The following NPAS3 variants were observed in gnomAD, a reference collection of about 807,000 sequenced individuals.
The protein encoded by NPAS3 is neuronal PAS domain protein 3, also known as neuronal PAS domain-containing protein 3.
A neutral mutation model predicts 73.1 loss-of-function variants in NPAS3; 14 were observed. That is an observed-to-expected ratio of 0.19 (90% CI 0.13 to 0.30). The LOEUF is 0.30. NPAS3 is among the 10% of genes least tolerant of loss of function. NPAS3 has a pLI of 1.00. For missense variants in NPAS3, 1,096 were observed against 1,250.0 expected (o/e 0.88, Z 1.86); for synonymous variants, 620 against 541.5 (o/e 1.14, Z -2.01).
At chr14:33,777,182 T>C (rs930849213) in intron 8 of NPAS3, among the ~76,000 whole-genome samples, 2 of 152,166 alleles carry the variant, frequency 1.3e-5, no homozygotes, top group Non-Finnish European at 2.9e-5. Context: ...TTTAATGACA[T>C]CCTTGTTCCC....
At chr14:33,315,193 C>T (rs1417770715) in intron 3 of NPAS3, among the ~76,000 whole-genome samples, 1 of 151,888 alleles carries the variant, frequency 6.6e-6, no homozygotes, top group Non-Finnish European at 1.5e-5. Flanking sequence ...GGTGGGTTGT[C>T]TCAGGGAGCC....
In NPAS3 at chr14:33,750,161, C is replaced by T. The variant is rs149354806; in HGVS notation, c.852+14829C>T. ...CCATTCAAAGTACCAAACAGTGAGG[C>T]GTTGTCAAGAAGGGATATGTTGGAT... On this transcript the variant is annotated intron_variant, in intron 7 of 11. Transcript: ENST00000356141. 9.3e-5 allele frequency among the ~76,000 whole-genome samples: 14 copies of T among 151,192 alleles called. No individual in the cohort carries two copies. The East Asian group carries it at 2.5e-3, about 27-fold the overall frequency.
intron 5 of NPAS3, among the ~76,000 whole-genome samples, chr14:33,563,707 T>C (rs1167476233): frequency 6.6e-6 from 1 of 152,190 alleles, no homozygotes; most frequent in Non-Finnish European, 1.5e-5. Context: ...GATTCCCACA[T>C]ACTGATGCTG....
intron 5 of NPAS3, among the ~76,000 whole-genome samples, chr14:33,605,358 A>G (rs1307666422): frequency 6.6e-6 from 1 of 151,342 alleles, no homozygotes; most frequent in Non-Finnish European, 1.5e-5. Flanking sequence ...AGCCAGTGCA[A>G]TAAAGCAAGG....
chr14:33,269,510 T>A (rs1500720), intron 3 of NPAS3, among the ~76,000 whole-genome samples: 2 of 151,974 alleles, frequency 1.3e-5, no homozygotes, highest in African/African-American at 4.8e-5. Flanking sequence ...GATAAGGAAA[T>A]GTGCAAATAA....
chr14:33,073,469 A>G (rs76968852), intron 2 of NPAS3, among the ~76,000 whole-genome samples: 9,046 of 152,214 alleles, frequency 0.059, 377 homozygotes, highest in Admixed American at 0.091. Flanking sequence ...TTTTTATACA[A>G]GATGGGACAG....
chr14:33,801,115 CG>C, downstream of NPAS3: 1 of 1,572,122 alleles, frequency 6.4e-7, no homozygotes, highest in Non-Finnish European at 8.6e-7. Context: ...ACTGAGGCGC[CG>C]CCCGTCCTGG....
intron 5 of NPAS3, among the ~76,000 whole-genome samples, chr14:33,582,687 GA>G (rs2056712274): frequency 6.6e-6 from 1 of 152,030 alleles, no homozygotes; most frequent in Non-Finnish European, 1.5e-5. Flanking sequence ...ATCCTACTCA[GA>G]AAGAAATGCA....
intron 3 of NPAS3, among the ~76,000 whole-genome samples, chr14:33,350,462 C>T (rs1174330881): frequency 6.6e-6 from 1 of 152,100 alleles, no homozygotes; most frequent in Non-Finnish European, 1.5e-5. Flanking sequence ...TACAGACTGC[C>T]CCCCTACCTG....
intron 10 of NPAS3, among the ~76,000 whole-genome samples, 184 bp downstream of exon 10, chr14:33,794,228 T>C (rs1403461089): frequency 6.6e-6 from 1 of 152,238 alleles, no homozygotes; most frequent in Non-Finnish European, 1.5e-5. Flanking sequence ...TCAAACTATG[T>C]TGGAAGGGAC....
intron 5 of NPAS3, among the ~76,000 whole-genome samples, chr14:33,601,507 C>G (rs919052545): frequency 6.6e-6 from 1 of 152,214 alleles, no homozygotes; most frequent in African/African-American, 2.4e-5. Context: ...ATTATTTAAA[C>G]TGGAAAACCA....
At chr14:33,092,345 A>G (rs2042255016) in intron 2 of NPAS3, among the ~76,000 whole-genome samples, 1 of 152,218 alleles carries the variant, frequency 6.6e-6, no homozygotes, top group Admixed American at 6.5e-5. Flanking sequence ...AGAGAGGCAA[A>G]TCATGAGTGA....
chr14:33,789,108 A>G (rs1185833501), intron 9 of NPAS3, among the ~76,000 whole-genome samples: 1 of 152,156 alleles, frequency 6.6e-6, no homozygotes, highest in Non-Finnish European at 1.5e-5. Flanking sequence ...GGTACGTGGT[A>G]TTAATATTTT....
At chr14:33,686,822 A>C (rs2060101605) in intron 6 of NPAS3, among the ~76,000 whole-genome samples, 1 of 152,090 alleles carries the variant, frequency 6.6e-6, no homozygotes, top group Admixed American at 6.6e-5. Context: ...GCAGCTAGGG[A>C]TGCTCGCCAC....
intron 2 of NPAS3, among the ~76,000 whole-genome samples, chr14:33,187,571 C>T (rs1403715696): frequency 6.6e-6 from 1 of 152,114 alleles, no homozygotes; most frequent in Non-Finnish European, 1.5e-5. Context: ...GTGATGCCTG[C>T]CTGTAGTCCC....
chr14:33,012,090 C>A (rs76574955), intron 1 of NPAS3, among the ~76,000 whole-genome samples: 3 of 107,910 alleles, frequency 2.8e-5, no homozygotes, highest in Non-Finnish European at 6.1e-5. Flanking sequence ...GCCTGCCTTC[C>A]CTTCCTCTCT....
At chr14:33,214,218 A>G (rs1438558238) in intron 2 of NPAS3, 1 of 152,188 alleles carries the variant, frequency 6.6e-6, no homozygotes, top group Admixed American at 6.5e-5. Flanking sequence ...ATCAGACACA[A>G]TACAGAGCAA....
At chr14:33,606,433 A>G (rs1334461351) in intron 5 of NPAS3, among the ~76,000 whole-genome samples, 1 of 151,908 alleles carries the variant, frequency 6.6e-6, no homozygotes, top group Non-Finnish European at 1.5e-5. Flanking sequence ...ATAGTATTCC[A>G]TGGTGTATAT....
intron 7 of NPAS3, among the ~76,000 whole-genome samples, chr14:33,736,839 T>C (rs1365807975): frequency 6.6e-6 from 1 of 152,210 alleles, no homozygotes; most frequent in Non-Finnish European, 1.5e-5. Context: ...ATATTAAGTA[T>C]AATTCAATAT....
Sources: allele counts gnomAD v4.1 joint callset (sites outside exome capture counted in the v4.1 genomes callset), GRCh38; gene constraint gnomAD v4.1.1; transcripts MANE v1.5; gene names NCBI Gene and HGNC (gene_info 2026-07-23, HGNC 2026-07-21).